TIAM1: variants seen among roughly 807,000 people sequenced by gnomAD.
The protein encoded by TIAM1 is TIAM Rac1 associated GEF 1.
In TIAM1, 65 loss-of-function variants were observed where a neutral mutation model predicts 163.5. The ratio of observed to expected loss-of-function variants is 0.40; its 90% confidence interval spans 0.33 to 0.49. The LOEUF is 0.49. Among genes scored for constraint, TIAM1 ranks in the 20% least tolerant of loss-of-function variants. The probability of loss-of-function intolerance (pLI) is 0.77; values close to 1 mark genes in which losing one functional copy is unlikely to be tolerated. For missense variants in TIAM1, 1,789 were observed against 2,044.7 expected, an observed-to-expected ratio of 0.87 and a Z score of 2.41; for synonymous variants, 833 against 810.1, an observed-to-expected ratio of 1.03 and a Z score of -0.48.
At chr21:31,400,177 G>C (rs371319954) in intron 2 of TIAM1, among the ~76,000 whole-genome samples, 1 of 151,496 alleles carries the variant, frequency 6.6e-6, no homozygotes, top group African/African-American at 2.4e-5. Flanking sequence ...ACCCAGGCTA[G>C]AGTGCAGTGG....
intron 2 of TIAM1, among the ~76,000 whole-genome samples, chr21:31,310,617 A>T (rs534949317): frequency 6.6e-6 from 1 of 152,238 alleles, no homozygotes; most frequent in East Asian, 1.9e-4. Context: ...ACCGGGACAC[A>T]CCTGATTCCT....
At chr21:31,172,693 T>C (rs2084574380) in intron 15 of TIAM1, among the ~76,000 whole-genome samples, 1 of 152,016 alleles carries the variant, frequency 6.6e-6, no homozygotes, top group Non-Finnish European at 1.5e-5. Context: ...CAGACAGGGA[T>C]CATAGGCCAA....
At chr21:31,303,296 TAAGA>T in intron 2 of TIAM1, among the ~76,000 whole-genome samples, 1 of 152,326 alleles carries the variant, frequency 6.6e-6, no homozygotes, top group East Asian at 1.9e-4. Context: ...TTACCTACTC[TAAGA>T]AAGAAAAGGT....
At chr21:31,547,247 T>C (rs888224508) in intron 1 of TIAM1, among the ~76,000 whole-genome samples, 5 of 152,240 alleles carry the variant, frequency 3.3e-5, no homozygotes, top group Non-Finnish European at 7.3e-5. Flanking sequence ...GACTGCAGGT[T>C]CCTCATGCTA....
chr21:31,360,966 G>T (rs2076396935), intron 2 of TIAM1, among the ~76,000 whole-genome samples: 1 of 152,096 alleles, frequency 6.6e-6, no homozygotes, highest in Admixed American at 6.6e-5. Flanking sequence ...GAGTGTAATT[G>T]GGTCAGGCAC....
chr21:31,152,553 C>T, intron 19 of TIAM1, 83 bp downstream of exon 19: 2 of 1,566,210 alleles, frequency 1.3e-6, no homozygotes, highest in Non-Finnish European at 1.7e-6. Context: ...TGTGGCCCTC[C>T]AATGAAGACA....
At chr21:31,439,432 G>C (rs1255812200) in intron 2 of TIAM1, among the ~76,000 whole-genome samples, 1 of 152,160 alleles carries the variant, frequency 6.6e-6, no homozygotes, top group Non-Finnish European at 1.5e-5. Flanking sequence ...TGGGATTACA[G>C]GCATGCACCA....
chr21:31,327,241 A>G (rs2075519314), intron 2 of TIAM1, among the ~76,000 whole-genome samples: 1 of 152,206 alleles, frequency 6.6e-6, no homozygotes, highest in African/African-American at 2.4e-5. Context: ...AGAGAACCCG[A>G]AATTATCTTC....
intron 2 of TIAM1, among the ~76,000 whole-genome samples, chr21:31,331,219 C>T (rs1025557922): frequency 1.3e-5 from 2 of 152,178 alleles, no homozygotes; most frequent in Non-Finnish European, 2.9e-5. Context: ...TTTCTGGACA[C>T]AGGAGTAGAA....
intron 8 of TIAM1, among the ~76,000 whole-genome samples, 192 bp downstream of exon 8, chr21:31,223,214 A>C (rs1341224474): frequency 6.9e-6 from 1 of 144,042 alleles, no homozygotes; most frequent in Non-Finnish European, 1.5e-5. Context: ...CCCCCCATCA[A>C]GAGATAGATG....
chr21:31,182,606 C>A lies in TIAM1; in HGVS notation c.2702G>T (p.Arg901Leu), dbSNP rs369219405. 10 of 1,613,124 alleles carry A rather than the reference C, an allele frequency of 6.2e-6. No homozygotes were observed. The South Asian group carries it at 1.1e-4, about 18-fold the overall frequency. The stretch of plus-strand genomic sequence containing the variant: ...AGAAGAGTTCAGGGCGTCAGCAGCA[C>A]GATTATTGATCTCAAGAATCTCATC... ...AGDEILEINN[R>L]AADALNSSML... Residue 901 changes from arginine (R) to leucine (L), a missense_variant, in exon 15 of 28, where the codon CGT (arginine) becomes CTT (leucine). Coordinates refer to ENST00000541036, the MANE Select transcript of TIAM1 (RefSeq NM_001353694.2).
chr21:31,269,232 A>C (rs957888512), intron 3 of TIAM1, among the ~76,000 whole-genome samples: 1 of 152,236 alleles, frequency 6.6e-6, no homozygotes, highest in Non-Finnish European at 1.5e-5. Context: ...GAATTACCGC[A>C]CTACATGCAT....
intron 2 of TIAM1, among the ~76,000 whole-genome samples, chr21:31,449,567 G>A (rs761048090): frequency 2.2e-4 from 33 of 151,778 alleles, no homozygotes; most frequent in African/African-American, 7.3e-4. Context: ...TAGTAAAGAC[G>A]GGGTTTCACC....
intron 1 of TIAM1, among the ~76,000 whole-genome samples, chr21:31,489,379 G>A (rs1246216435): frequency 3.4e-5 from 3 of 87,854 alleles, no homozygotes; most frequent in African/African-American, 1.4e-4. Context: ...AGAGGAGGAG[G>A]AGGAGGAGGA....
At chr21:31,341,467 T>G (rs988649863) in intron 1 of TIAM1, among the ~76,000 whole-genome samples, 2 of 152,210 alleles carry the variant, frequency 1.3e-5, no homozygotes, top group Non-Finnish European at 2.9e-5. Context: ...CTCCAGTCAT[T>G]ACAGCAAATT....
chr21:31,532,982 A>G lies in TIAM1; in HGVS notation c.-422+25945T>C, dbSNP rs546183925. Among the ~76,000 whole-genome samples the G allele has an allele frequency of 7.9e-5, 12 of 152,336 alleles. No homozygotes were observed. In the South Asian group the frequency reaches 2.1e-3, roughly 26 times the overall value. ...CCCTAGCAGGTTATCCCAGCAAGAT[A>G]GGTGGACAGCCTTTCTCTAGGCCAG... On this transcript the variant is annotated intron_variant, in intron 1 of 28. Transcript: ENST00000286827.
intron 1 of TIAM1, among the ~76,000 whole-genome samples, chr21:31,521,452 T>C (rs982092395): frequency 6.6e-6 from 1 of 152,154 alleles, no homozygotes; most frequent in African/African-American, 2.4e-5. Flanking sequence ...ATTGAGTCTC[T>C]TAAAAAGTTA....
chr21:31,342,270 C>T (rs377450756), intron 1 of TIAM1, among the ~76,000 whole-genome samples: 2 of 151,966 alleles, frequency 1.3e-5, no homozygotes, highest in Non-Finnish European at 2.9e-5. Flanking sequence ...CAGAGCAAGA[C>T]TCCATCTCTA....
intron 1 of TIAM1, among the ~76,000 whole-genome samples, chr21:31,558,480 C>G (rs1195301784): frequency 6.6e-6 from 1 of 152,080 alleles, no homozygotes; most frequent in Non-Finnish European, 1.5e-5. Context: ...AGTCAGGGAC[C>G]GAGACGCAAA....
Sources: gnomAD v4.1 joint callset for allele counts (sites outside exome capture counted in the v4.1 genomes callset) on GRCh38, gnomAD v4.1.1 for gene constraint, MANE v1.5 for transcripts, NCBI Gene and HGNC (gene_info 2026-07-23, HGNC 2026-07-21) for gene names.